Variants in SPG11 observed in about 807,000 individuals in gnomAD.
SPG11 encodes SPG11 vesicle trafficking associated, spatacsin, also known as spatacsin.
Under a neutral mutation model 274.0 loss-of-function variants are expected in SPG11, and 222 were observed. The ratio of observed to expected loss-of-function variants is 0.81; its 90% CI spans 0.73 to 0.91. The LOEUF (loss-of-function observed/expected upper bound fraction) is 0.91, where lower values mean the gene tolerates loss of function less well. Among genes scored for constraint, SPG11 ranks in the 40% least tolerant of loss-of-function variants. SPG11 has a pLI of 0.00. For missense variants in SPG11, 3,114 were observed against 2,872.7 expected (o/e 1.08, Z -1.92); for synonymous variants, 1,144 against 1,039.7 (o/e 1.10, Z -1.93).
chr15:44,617,439 A>T (rs1368932969), intron 15 of SPG11, among the ~76,000 whole-genome samples: 1 of 152,214 alleles, frequency 6.6e-6, no homozygotes, highest in East Asian at 1.9e-4. Flanking sequence ...TTTTCCCCAT[A>T]TAGCTATTCA....
intron 9 of SPG11, 152 bp from the exon 10 acceptor site, chr15:44,628,996 T>C: frequency 1.1e-6 from 1 of 877,782 alleles, no homozygotes; most frequent in Non-Finnish European, 1.8e-6. Flanking sequence ...TACAAGTAAG[T>C]AGCTCTGTAT....
rs1449714441 is a variant in SPG11, at chr15:44,663,503, T to G, written c.145A>C (p.Thr49Pro). The part of the protein sequence containing the change: ...GQLGSRAQLR[T>P]QPEALGSLTA... ...AGGCTCCCCAGAGCCTCCGGCTGTG[T>G]GCGCAGCTGCGCCCGGGAGCCGAGC... Residue 49 changes from threonine (T) to proline (P), a missense_variant, in exon 1 of 40, where the codon ACA (threonine) becomes CCA (proline). By Grantham distance (38) the Thr-to-Pro change is conservative. Transcript: ENST00000261866. 6.3e-7 allele frequency: 1 copy of G among 1,594,100 alleles called. No homozygotes were observed. The highest frequency in any genetic ancestry group is 1.3e-5 in the African/African-American group (1 of 74,526).
intron 7 of SPG11, among the ~76,000 whole-genome samples, chr15:44,639,276 TAC>T (rs71111873): frequency 0.051 from 7,015 of 137,594 alleles, 189 homozygotes; most frequent in East Asian, 0.096. Flanking sequence ...CACAAAGAGA[TAC>T]ACACACACAC....
At chr15:44,571,099 C>T (rs1436638139) in intron 33 of SPG11, among the ~76,000 whole-genome samples, 5 of 152,092 alleles carry the variant, frequency 3.3e-5, no homozygotes, top group African/African-American at 7.2e-5. Context: ...CTGACATGTA[C>T]AGATTTAAAA....
At chr15:44,567,639 A>G in intron 35 of SPG11, 47 bp from the exon 36 acceptor site, 1 of 1,605,334 alleles carries the variant, frequency 6.2e-7, no homozygotes, top group Non-Finnish European at 8.5e-7. Context: ...CAGGGACTGC[A>G]AGGCAGACAG....
At chr15:44,602,501 T>TG (rs1447037418) in intron 20 of SPG11, among the ~76,000 whole-genome samples, 2 of 151,454 alleles carry the variant, frequency 1.3e-5, no homozygotes, top group African/African-American at 4.9e-5. Flanking sequence ...TTTTTTGAGA[T>TG]GGAGTCTTGC....
At chr15:44,605,551 T>C (rs1012047706) in intron 20 of SPG11, among the ~76,000 whole-genome samples, 12 of 152,282 alleles carry the variant, frequency 7.9e-5, no homozygotes, top group Non-Finnish European at 1.8e-4. Flanking sequence ...GACATCACGA[T>C]GTGTGTGAAT....
In SPG11 at chr15:44,648,924, T is replaced by A; in HGVS notation, c.1544A>T (p.Asp515Val). The A allele has an allele frequency of 6.2e-7, 1 of 1,614,062 alleles. No homozygotes were observed. The highest frequency in any genetic ancestry group is 8.5e-7 in the Non-Finnish European group (1 of 1,179,942). The change falls in exon 7 of 40, where the codon GAC becomes GTC. Residue 515 changes from aspartate (D) to valine (V), a missense_variant. Asp to Val is a radical substitution (Grantham distance 152, BLOSUM62 -3). Transcript: ENST00000261866. ...LMIHGSASTV[D>V]TLCHLNGWGR... ...CCAGCCATTGAGATGACAAAGAGTGTCCACAGTGCTGGCACTTCCATGGAT... is the reference window on the plus strand; with the variant it reads ...CCAGCCATTGAGATGACAAAGAGTGACCACAGTGCTGGCACTTCCATGGAT...
At chr15:44,601,225 A>G (rs1326368827) in intron 20 of SPG11, among the ~76,000 whole-genome samples, 1 of 152,192 alleles carries the variant, frequency 6.6e-6, no homozygotes, top group African/African-American at 2.4e-5. Flanking sequence ...AACTTATTTA[A>G]GAATTGTATA....
chr15:44,637,012 TTTAAC>T (rs1191809955), intron 7 of SPG11, among the ~76,000 whole-genome samples: 1 of 145,592 alleles, frequency 6.9e-6, no homozygotes, highest in African/African-American at 2.6e-5. Context: ...CTAGGTGAAA[TTTAAC>T]TTAATGTTCA....
intron 33 of SPG11, 22 bp downstream of exon 33, chr15:44,572,661 A>G (rs2082446814): frequency 6.2e-7 from 1 of 1,613,832 alleles, no homozygotes; most frequent in African/African-American, 1.3e-5. Flanking sequence ...CAAAATATGT[A>G]AGAAAAAGGT....
rs372427163 is a variant in SPG11 at position 44,566,159 on chromosome 15, A to G, written c.6843+58T>C. On this transcript the variant is annotated intron_variant, in intron 37 of 39. Coordinates refer to ENST00000261866, the MANE Select transcript of SPG11 (RefSeq NM_025137.4). ...GGAAAGAGCCCAAGGACAAAAGAAA[A>G]TAATTTTACTGCAGACAGCAAGTCC... The G allele has an allele frequency of 1.7e-5, 27 of 1,606,580 alleles. No homozygotes were observed. The African/African-American group carries it at 3.1e-4, about 18-fold the overall frequency.
At position 44,613,979 on chromosome 15, in the gene SPG11, G is replaced by T. The variant is rs536252289; in HGVS notation, c.3039-443C>A. ...GAATTGCTTGAGCCTAGGAGTTCGA[G>T]GCTGCAATGAACCATGATTGTGCCA... On this transcript the variant is annotated intron_variant, in intron 16 of 39. Coordinates refer to ENST00000261866, the MANE Select transcript of SPG11 (RefSeq NM_025137.4). Among the ~76,000 whole-genome samples the T allele has an allele frequency of 1.1e-4, 17 of 152,220 alleles. No individual in the cohort carries two copies. The East Asian group carries it at 3.3e-3, about 29-fold the overall frequency.
rs768183449 is a variant in SPG11, at chr15:44,651,570, G to A, written c.1377C>T (p.Gly459=). 6.2e-7 allele frequency: 1 copy of A among 1,614,180 alleles called. No individual in the cohort carries two copies. Among genetic ancestry groups the A allele is most frequent in the Non-Finnish European group, 8.5e-7 (1 of 1,180,008 alleles). ...TITLWDLETQ[G]MQCFSLGTKC... ...TTGTGCCAAGGGAAAAACACTGCAT[G>A]CCCTGGGTCTCCAAATCCCAGAGGG... Residue 459 remains glycine (G), a synonymous_variant, in exon 6 of 40, where the codon GGC becomes GGT. Transcript: ENST00000261866.
At chr15:44,661,935 A>G (rs1427075646) in intron 1 of SPG11, among the ~76,000 whole-genome samples, 1 of 152,210 alleles carries the variant, frequency 6.6e-6, no homozygotes, top group African/African-American at 2.4e-5. Flanking sequence ...AAAAAGTTAA[A>G]AAGTCCTTTC....
intron 21 of SPG11, among the ~76,000 whole-genome samples, chr15:44,599,201 G>T (rs573103657): frequency 1.1e-4 from 17 of 152,250 alleles, no homozygotes; most frequent in African/African-American, 4.1e-4. Context: ...CCACTTAAAT[G>T]TAAGTTTGAC....
chr15:44,650,543 A>C (rs1349139863), intron 6 of SPG11, among the ~76,000 whole-genome samples: 1 of 150,170 alleles, frequency 6.7e-6, no homozygotes, highest in Non-Finnish European at 1.5e-5. Context: ...GGTCCCAGCT[A>C]CTCTGGAGGG....
chr15:44,570,615 C>G lies in SPG11; in HGVS notation c.6387G>C (p.Thr2129=), dbSNP rs150121550. ...CTCGGATGATGCCCTCCATGTGGCA[C>G]GTCAGGGTGAAGCAATGATGGGCCA... ...LILAHHCFTL[T]CHMEGIIRVL... is the part of the protein sequence containing the mutation. The change falls in exon 34 of 40, where the codon ACG becomes ACC. Residue 2129 remains threonine (T), a synonymous_variant. Coordinates refer to ENST00000261866, the MANE Select transcript of SPG11 (RefSeq NM_025137.4). 7 of 1,614,054 alleles carry G rather than the reference C, an allele frequency of 4.3e-6. 1 individual carries two copies. The African/African-American group carries it at 6.7e-5, about 15-fold the overall frequency.
In SPG11 at chr15:44,657,237, C is replaced by T; in HGVS notation, c.727G>A (p.Glu243Lys). 1 of 1,614,198 alleles carries T rather than the reference C, an allele frequency of 6.2e-7. No individual in the cohort carries two copies. Among genetic ancestry groups the T allele is most frequent in the Non-Finnish European group, 8.5e-7 (1 of 1,180,030 alleles). ...VAHVDLALHKEDMCNEQQQEP... is the reference protein window; with the variant it reads ...VAHVDLALHKKDMCNEQQQEP... ...TGTTGCTGCTCATTACACATGTCTT[C>T]TTTGTGAAGTGCTAAATCCACATGA... The change falls in exon 4 of 40, where the codon GAA becomes AAA. Residue 243 changes from glutamate (E) to lysine (K), a missense_variant. Physicochemically the swap from Glu to Lys is moderately conservative, Grantham distance 56. Coordinates refer to ENST00000261866, the MANE Select transcript of SPG11 (RefSeq NM_025137.4).
Sources: allele counts gnomAD v4.1 joint callset (sites outside exome capture counted in the v4.1 genomes callset), GRCh38; gene constraint gnomAD v4.1.1; transcripts MANE v1.5; gene names NCBI Gene and HGNC (gene_info 2026-07-23, HGNC 2026-07-21).